Variants in MDN1 observed in about 807,000 individuals in gnomAD.
MDN1 encodes midasin.
In MDN1, 266 loss-of-function variants were observed where a neutral mutation model predicts 669.2. That is an observed-to-expected ratio of 0.40 (90% CI 0.36 to 0.44). The LOEUF is 0.44. MDN1 is among the 20% of genes least tolerant of loss of function. MDN1 has a pLI of 1.00. For missense variants in MDN1, 5,940 were observed against 6,754.0 expected (o/e 0.88, Z 4.22); for synonymous variants, 2,385 against 2,457.1 (o/e 0.97, Z 0.87).
chr6:89,696,506 T>A lies in MDN1; in HGVS notation c.9237A>T (p.Arg3079Ser). ...GGCCACTCACATCCCAGGGACTTGC[T>A]CTCCAGCTGCTGGTTAAGACTTCAA... The part of the protein sequence containing the change: ...CCFEVLTSSW[R>S]ASPWDVSGLP... The change falls in exon 60 of 102, where the codon AGA becomes AGT. Residue 3079 changes from arginine (R) to serine (S), a missense_variant. Around this residue, in one of 5 missense-constraint regions of MDN1, gnomAD observed 2,292 missense variants for 2,638.3 expected, o/e 0.87. Coordinates refer to ENST00000369393, the MANE Select transcript of MDN1 (RefSeq NM_014611.3). The A allele has an allele frequency of 6.2e-7, 1 of 1,614,184 alleles. No individual in the cohort carries two copies. The highest frequency in any genetic ancestry group is 1.6e-4 in the Middle Eastern group (1 of 6,062).
At chr6:89,751,650 G>A in intron 22 of MDN1, 68 bp from the exon 23 acceptor site, 1 of 1,502,328 alleles carries the variant, frequency 6.7e-7, no homozygotes, top group South Asian at 1.3e-5. Context: ...GCATAAAGTA[G>A]GAAAACAGCC....
Position 89,762,394 on chromosome 6 carries a change from A to C in MDN1, c.2281T>G (p.Trp761Gly). The C allele has an allele frequency of 6.2e-7, 1 of 1,614,138 alleles. No individual in the cohort carries two copies. The highest frequency in any genetic ancestry group is 8.5e-7 in the Non-Finnish European group (1 of 1,180,012). ...TGCATTAGTCTCAGGAGATCATGCC[A>C]CCGTTTCTGTCTGTAACAGGTCTGA... ...HIQTCYRQKR[W>G]HDLLRLMQHV... The change falls in exon 16 of 102, where the codon TGG becomes GGG. Residue 761 changes from tryptophan to glycine, a missense_variant. Transcript: ENST00000369393.
At chr6:89,761,583 C>G (rs1817548979) in intron 17 of MDN1, 62 bp downstream of exon 17, 1 of 1,252,682 alleles carries the variant, frequency 8.0e-7, no homozygotes, top group Non-Finnish European at 1.1e-6. Context: ...AGTAACCTGC[C>G]TGAAACATTG....
chr6:89,685,880 A>G lies in MDN1; in HGVS notation c.11666T>C (p.Met3889Thr), dbSNP rs756927368. 34 of 1,613,992 alleles carry G rather than the reference A, an allele frequency of 2.1e-5. No individual in the cohort carries two copies. The highest frequency in any genetic ancestry group is 6.8e-6 in the Non-Finnish European group (8 of 1,180,030). ...GACATGACAATGGAAAACCAGTAAC[A>G]TCTGAAGTCGCACATGGAACTCTCC... ...SLGEFHVRLQ[M>T]LLVFHCHVLL... Residue 3889 changes from methionine (M) to threonine (T), a missense_variant, in exon 70 of 102, where the codon ATG becomes ACG. Around this residue, in one of 5 missense-constraint regions of MDN1, gnomAD observed 2,280 missense variants for 2,576.3 expected, o/e 0.88. Transcript: ENST00000369393.
At position 89,762,330 on chromosome 6, in the gene MDN1, T is replaced by C. The variant is rs766160472; in HGVS notation, c.2345A>G (p.Asp782Gly). 2 of 1,613,892 alleles carry C rather than the reference T, an allele frequency of 1.2e-6. No homozygotes were observed. The highest frequency in any genetic ancestry group is 1.7e-5 in the Admixed American group (1 of 59,982). Reference protein sequence around the residue: ...HKSAVNKDGKDSETGLLIKEK... With the variant: ...HKSAVNKDGKGSETGLLIKEK... ...GGTCACATCCTTACCAGTTTCACTG[T>C]CTTTTCCATCCTTGTTAACAGCAGA... is the stretch of plus-strand genomic sequence containing the variant. The change falls in exon 16 of 102, where the codon GAC (aspartate) becomes GGC (glycine). Residue 782 changes from aspartate (D) to glycine (G), a missense_variant. By Grantham distance (94) the Asp-to-Gly change is moderately conservative (BLOSUM62 -1). Transcript: ENST00000369393.
At chr6:89,799,892 T>G (rs868800975) in intron 2 of MDN1, among the ~76,000 whole-genome samples, 5 of 152,302 alleles carry the variant, frequency 3.3e-5, no homozygotes, top group Middle Eastern at 6.8e-3. Flanking sequence ...GCTATTCTTT[T>G]GTTATTCAAC....
chr6:89,669,174 G>C (rs1049747995), intron 83 of MDN1, among the ~76,000 whole-genome samples: 1 of 152,182 alleles, frequency 6.6e-6, no homozygotes, highest in Admixed American at 6.5e-5. Flanking sequence ...AGGTTTGAAA[G>C]GCCAAAGTCA....
At chr6:89,814,540 G>A (rs750771672) in intron 1 of MDN1, among the ~76,000 whole-genome samples, 3 of 152,026 alleles carry the variant, frequency 2.0e-5, no homozygotes, top group African/African-American at 4.8e-5. Flanking sequence ...ATATAGCTTT[G>A]ACAAATTTTG....
intron 47 of MDN1, 88 bp from the exon 48 acceptor site, chr6:89,712,874 C>T: frequency 8.3e-7 from 1 of 1,203,530 alleles, no homozygotes; most frequent in South Asian, 1.3e-5. Flanking sequence ...GTCCATGCGA[C>T]CACCTCACAA....
chr6:89,652,295 G>A lies in MDN1; in HGVS notation c.15826-14C>T, dbSNP rs1315167833. On this transcript the variant is annotated splice_polypyrimidine_tract_variant and intron_variant, in intron 94 of 101. Coordinates refer to ENST00000369393, the MANE Select transcript of MDN1 (RefSeq NM_014611.3). ...TTTTAAAAAGGGCTAAAAAGAAAAA[G>A]CCATAGATAAGAGGTGGCCCAGGTT... 6.2e-7 allele frequency: 1 copy of A among 1,610,406 alleles called. No individual in the cohort carries two copies. The highest frequency in any genetic ancestry group is 2.2e-5 in the East Asian group (1 of 44,856).
At chr6:89,806,784 C>T (rs567742067) in intron 1 of MDN1, among the ~76,000 whole-genome samples, 3 of 151,098 alleles carry the variant, frequency 2.0e-5, no homozygotes, top group East Asian at 1.9e-4. Context: ...TAGCTGGTGA[C>T]GGTGTGCATC....
At chr6:89,720,631 TCAATCATTCAACAA>T (rs1379900354) in intron 40 of MDN1, among the ~76,000 whole-genome samples, 2 of 152,174 alleles carry the variant, frequency 1.3e-5, no homozygotes, top group Non-Finnish European at 2.9e-5. Context: ...ACCTGACTAA[TCAATCATTCAACAA>T]CTGGCATGTG....
At chr6:89,676,311 C>T (rs1811187028) in intron 76 of MDN1, 104 bp from the exon 77 acceptor site, 2 of 919,788 alleles carry the variant, frequency 2.2e-6, no homozygotes, top group South Asian at 1.4e-5. Context: ...CAAGAGTCAG[C>T]TGTCTGAATA....
At chr6:89,771,754 G>A in intron 14 of MDN1, 133 bp from the exon 15 acceptor site, 1 of 741,708 alleles carries the variant, frequency 1.3e-6, no homozygotes. Flanking sequence ...TGTCAACCAG[G>A]GTGGAGTGCA....
chr6:89,722,762 A>G (rs758321659), intron 40 of MDN1, among the ~76,000 whole-genome samples, 193 bp downstream of exon 40: 10 of 151,476 alleles, frequency 6.6e-5, no homozygotes, highest in Non-Finnish European at 1.3e-4. Context: ...CAGGAGAATC[A>G]CTTGAACCTG....
In MDN1 at chr6:89,654,350, G is replaced by A. The variant is rs376318847; in HGVS notation, c.15491-16C>T. On this transcript the variant is annotated splice_polypyrimidine_tract_variant and intron_variant, in intron 92 of 101. Transcript: ENST00000369393. ...CTGGCCACATCTGTCAACAAAGCAC[G>A]CACCCACACATAAAAATCCTAGGTC... 64 of 1,613,182 alleles carry A rather than the reference G, an allele frequency of 4.0e-5. No individual in the cohort carries two copies. The highest frequency in any genetic ancestry group is 6.7e-5 in the African/African-American group (5 of 74,872).
In MDN1 at chr6:89,819,768, G is replaced by A. The variant is rs770409295; in HGVS notation, c.-161C>T. On this transcript the variant is annotated 5_prime_UTR_variant, in exon 1 of 102. Coordinates refer to ENST00000369393, the MANE Select transcript of MDN1 (RefSeq NM_014611.3). ...CACCGGGAGAGGGGCACCACACGTG[G>A]GTGAGCACACGGCGTTTGACGTCAT... 8.1e-6 allele frequency: 5 copies of A among 620,526 alleles called. No homozygotes were observed. Among genetic ancestry groups the A allele is most frequent in the Non-Finnish European group, 1.1e-5 (4 of 349,322 alleles). 38.4% of individuals were successfully genotyped at this position (620,526 alleles called of 1,614,324 possible).
intron 87 of MDN1, 129 bp from the exon 88 acceptor site, chr6:89,661,707 T>G (rs1251334187): frequency 1.1e-6 from 1 of 894,406 alleles, no homozygotes. Flanking sequence ...CCTAAAATTA[T>G]CTGCACACAT....
At position 89,793,850 on chromosome 6, in the gene MDN1, C is replaced by T; in HGVS notation, c.767G>A (p.Gly256Glu). ...GGAGAGGTCAGACGAAACAAGATGTCCCTGTAAGTACTGCAGCTCCTTCTG... is the reference window on the plus strand; with the variant it reads ...GGAGAGGTCAGACGAAACAAGATGTTCCTGTAAGTACTGCAGCTCCTTCTG... ...RKQKELQYLQ[G>E]HLVSSDLSPR... is the part of the protein sequence containing the mutation. Residue 256 changes from glycine to glutamate, a missense_variant, in exon 5 of 102, where the codon GGA (glycine) becomes GAA (glutamate). By Grantham distance (98) the Gly-to-Glu change is moderately conservative (BLOSUM62 -2). Coordinates refer to ENST00000369393, the MANE Select transcript of MDN1 (RefSeq NM_014611.3). 2 of 1,614,160 alleles carry T rather than the reference C, an allele frequency of 1.2e-6. No homozygotes were observed. The highest frequency in any genetic ancestry group is 2.2e-5 in the East Asian group (1 of 44,874).
Sources: gnomAD v4.1 joint callset for allele counts (sites outside exome capture counted in the v4.1 genomes callset) on GRCh38, gnomAD v4.1.1 for gene constraint, gnomAD v4.1.1 regional missense constraint, MANE v1.5 for transcripts, NCBI Gene and HGNC (gene_info 2026-07-23, HGNC 2026-07-21) for gene names.